WNK1: variants seen among roughly 807,000 people sequenced by gnomAD.
WNK1 encodes the protein serine/threonine-protein kinase WNK1.
In WNK1, 38 loss-of-function variants were observed where a neutral mutation model predicts 222.8. The observed-to-expected ratio is 0.17, with a 90% CI of 0.13 to 0.22. The LOEUF is 0.22. WNK1 is among the 10% of genes least tolerant of loss of function. WNK1 has a pLI of 1.00. For synonymous variants in WNK1, 1,090 were observed against 1,092.9 expected, an observed-to-expected ratio of 1.00 and a Z score of 0.05; for missense variants, 2,348 against 2,918.4, an observed-to-expected ratio of 0.80 and a Z score of 4.50.
intron 26 of WNK1, chr12:901,788 A>C (rs1955282730): frequency 3.0e-6 from 1 of 332,676 alleles, no homozygotes; most frequent in African/African-American, 2.2e-5. Flanking sequence ...TGTTACCCTC[A>C]GAAGTTTGGG....
chr12:774,172 C>T (rs1942853569), intron 1 of WNK1, among the ~76,000 whole-genome samples: 1 of 152,176 alleles, frequency 6.6e-6, no homozygotes, highest in African/African-American at 2.4e-5. Flanking sequence ...TCTTTAAGGC[C>T]TCGTTACAGA....
chr12:858,386 C>T (rs1950947387), intron 5 of WNK1, among the ~76,000 whole-genome samples: 1 of 152,082 alleles, frequency 6.6e-6, no homozygotes, highest in African/African-American at 2.4e-5. Flanking sequence ...GACAGGGTTT[C>T]ACCATATTGG....
intron 1 of WNK1, among the ~76,000 whole-genome samples, chr12:773,499 T>G (rs1159597080): frequency 3.3e-5 from 5 of 152,156 alleles, no homozygotes; most frequent in African/African-American, 1.2e-4. Flanking sequence ...ATAGAAGTAA[T>G]GTATACTCAG....
intron 1 of WNK1, among the ~76,000 whole-genome samples, chr12:791,349 G>C (rs563117763): frequency 1.3e-5 from 2 of 151,970 alleles, no homozygotes; most frequent in South Asian, 4.1e-4. Context: ...AAATTTTCAT[G>C]TATATGCACA....
intron 14 of WNK1, among the ~76,000 whole-genome samples, chr12:882,695 A>G (rs567415735): frequency 1.4e-4 from 21 of 152,340 alleles, no homozygotes; most frequent in Non-Finnish European, 2.8e-4. Context: ...CCATATTTCT[A>G]TGATAAAGCA....
chr12:825,562 C>A (rs1228054868), intron 2 of WNK1, among the ~76,000 whole-genome samples: 1 of 152,040 alleles, frequency 6.6e-6, no homozygotes, highest in Non-Finnish European at 1.5e-5. Context: ...ATATCTTATA[C>A]AAGTACATAG....
At chr12:903,941 GTA>G (rs756508070) in intron 26 of WNK1, among the ~76,000 whole-genome samples, 5 of 152,192 alleles carry the variant, frequency 3.3e-5, no homozygotes, top group Non-Finnish European at 7.3e-5. Flanking sequence ...GAAGGGGTTA[GTA>G]TATATATGTG....
Position 885,125 on chromosome 12 carries a change from G to A in WNK1, c.4321G>A (p.Val1441Ile), listed in dbSNP as rs72650731. Residue 1441 changes from valine to isoleucine, a missense_variant, in exon 19 of 28, where the codon GTT becomes ATT. Val to Ile is a conservative substitution (Grantham distance 29). Transcript: ENST00000315939. Reference protein sequence around the residue: ...LQVPTSTSEIVVSSTALYPSV... With the variant: ...LQVPTSTSEIIVSSTALYPSV... ...AGTCCCCACATCCACATCTGAGATC[G>A]TTGTTTCTAGTACAGCACTGTATCC... The A allele has an allele frequency of 2.5e-6, 4 of 1,614,152 alleles. No individual in the cohort carries two copies. The highest frequency in any genetic ancestry group is 3.3e-5 in the Admixed American group (2 of 60,018).
At chr12:879,092 T>G (rs1242700860) in intron 10 of WNK1, among the ~76,000 whole-genome samples, 1 of 152,192 alleles carries the variant, frequency 6.6e-6, no homozygotes, top group African/African-American at 2.4e-5. Flanking sequence ...CAATTTTTAT[T>G]GAGCCATGTT....
Position 884,583 on chromosome 12 carries a change from C to G in WNK1, c.3845-66C>G. The G allele has an allele frequency of 6.6e-7, 1 of 1,505,136 alleles. No individual in the cohort carries two copies. The highest frequency in any genetic ancestry group is 9.2e-7 in the Non-Finnish European group (1 of 1,083,972). 93.2% of individuals were successfully genotyped at this position (1,505,136 alleles called of 1,614,324 possible). ...ATTTATAGGAGCTGACTTAGGCTAG[C>G]AGACAATCTTTTGAATCCATCCTTT... On this transcript the variant is annotated intron_variant, in intron 18 of 27. Transcript: ENST00000315939. The surrounding 1 kb of genome is among the most constrained non-coding windows in gnomAD (Gnocchi z 5.6).
In WNK1 at chr12:861,126, G is replaced by T. The variant is rs376865437; in HGVS notation, c.1734G>T (p.Glu578Asp). 1 of 1,612,852 alleles carries T rather than the reference G, an allele frequency of 6.2e-7. No homozygotes were observed. Among genetic ancestry groups the T allele is most frequent in the East Asian group, 2.2e-5 (1 of 44,858 alleles). Residue 578 changes from glutamate (E) to aspartate (D), a missense_variant, in exon 7 of 28, where the codon GAG (glutamate) becomes GAT (aspartate). Physicochemically the swap from Glu to Asp is conservative, Grantham distance 45. Coordinates refer to ENST00000315939, the MANE Select transcript of WNK1 (RefSeq NM_018979.4). ...AGCAGCGGCAGTTGGTACGGGAGGA[G>T]CAAGAAAAAAAAAAGCAGGAAGAGA... ...KREQRQLVRE[E>D]QEKKKQEESS...
chr12:869,298 C>G (rs1230457400), intron 8 of WNK1: 7 of 724,140 alleles, frequency 9.7e-6, no homozygotes, highest in Non-Finnish European at 1.2e-5. Context: ...GAGAAGCTAC[C>G]TGATTTACCT....
chr12:818,106 A>G (rs772195450), intron 2 of WNK1, among the ~76,000 whole-genome samples: 1 of 152,214 alleles, frequency 6.6e-6, no homozygotes, highest in Non-Finnish European at 1.5e-5. Flanking sequence ...TGTAAGTACC[A>G]CATCTATCAA....
chr12:800,996 A>G (rs1945811889), intron 1 of WNK1, among the ~76,000 whole-genome samples: 1 of 152,150 alleles, frequency 6.6e-6, no homozygotes, highest in Non-Finnish European at 1.5e-5. Flanking sequence ...TTTTGGAGGA[A>G]AGGTATTGGT....
intron 8 of WNK1, among the ~76,000 whole-genome samples, chr12:866,084 TAAAG>T: frequency 6.6e-6 from 1 of 152,178 alleles, no homozygotes; most frequent in Non-Finnish European, 1.5e-5. Context: ...CTTTTCCAAA[TAAAG>T]AATATAGTTA....
chr12:908,161 G>A, intron 27 of WNK1, 127 bp downstream of exon 27: 2 of 1,228,218 alleles, frequency 1.6e-6, no homozygotes, highest in Admixed American at 4.0e-5. Flanking sequence ...AGAAAAACAA[G>A]GCAAAAATCC....
At chr12:824,547 T>C (rs1948192189) in intron 2 of WNK1, among the ~76,000 whole-genome samples, 1 of 152,162 alleles carries the variant, frequency 6.6e-6, no homozygotes, top group Non-Finnish European at 1.5e-5. Context: ...GACAAAGATA[T>C]GATTCCCTCC....
chr12:781,818 T>C (rs1943739145), intron 1 of WNK1, among the ~76,000 whole-genome samples: 2 of 151,484 alleles, frequency 1.3e-5, no homozygotes, highest in Non-Finnish European at 3.0e-5. Flanking sequence ...TGAGATAACT[T>C]TTTTTTTTGA....
intron 1 of WNK1, among the ~76,000 whole-genome samples, chr12:761,560 G>A (rs1416712264): frequency 6.8e-6 from 1 of 147,830 alleles, no homozygotes; most frequent in Non-Finnish European, 1.5e-5. Flanking sequence ...CAGTAGATAC[G>A]TGGTAGATGG....
Sources: gnomAD v4.1 joint callset for allele counts (sites outside exome capture counted in the v4.1 genomes callset) on GRCh38, gnomAD v4.1.1 for gene constraint, Gnocchi (gnomAD v3.1) non-coding constraint, MANE v1.5 for transcripts, NCBI Gene and HGNC (gene_info 2026-07-23, HGNC 2026-07-21) for gene names.